CECR2: variants seen among roughly 807,000 people sequenced by gnomAD.
CECR2 encodes chromatin remodeling regulator CECR2.
A neutral mutation model predicts 154.5 loss-of-function variants in CECR2; 30 were observed. That is an observed-to-expected ratio of 0.19 (90% CI 0.15 to 0.26). The LOEUF is 0.26. Ranked by LOEUF, CECR2 falls within the 10% of genes least tolerant of loss-of-function variation. CECR2 has a pLI of 1.00. For missense variants in CECR2, 1,743 were observed against 1,829.3 expected, an observed-to-expected ratio of 0.95 and a Z score of 0.86; for synonymous variants, 725 against 683.7, an observed-to-expected ratio of 1.06 and a Z score of -0.94.
chr22:17,415,609 A>G (rs1339432255), intron 1 of CECR2, among the ~76,000 whole-genome samples: 1 of 152,182 alleles, frequency 6.6e-6, no homozygotes, highest in Non-Finnish European at 1.5e-5. Flanking sequence ...CATGCATTGG[A>G]TAAAATGGGG....
chr22:17,495,645 G>T (rs2055611195), intron 2 of CECR2, among the ~76,000 whole-genome samples: 1 of 151,088 alleles, frequency 6.6e-6, no homozygotes, highest in Non-Finnish European at 1.5e-5. Context: ...GGTGGATCAT[G>T]AGGTCAGGAA....
At position 17,541,784 on chromosome 22, in the gene CECR2, C is replaced by CCTAAAGT. The variant is rs2080179480; in HGVS notation, c.1885-52_1885-46dup. ...TCTTCAGGAAAACCCTTGTTGTCAA[C>CCTAAAGT]CTAAAGTCTGTGCCTTTCCTTTTTC... On this transcript the variant is annotated intron_variant, in intron 14 of 18. Coordinates refer to ENST00000262608, the MANE Select transcript of CECR2 (RefSeq NM_001290047.2). 6 of 1,555,300 alleles carry CCTAAAGT rather than the reference C, an allele frequency of 3.9e-6. No homozygotes were observed. The African/African-American group carries it at 4.1e-5, about 11-fold the overall frequency.
At chr22:17,509,695 C>T (rs2055907651) in intron 7 of CECR2, among the ~76,000 whole-genome samples, 1 of 151,988 alleles carries the variant, frequency 6.6e-6, no homozygotes, top group South Asian at 2.1e-4. Context: ...TACAAAGAAC[C>T]CATGTCAATG....
At chr22:17,452,364 A>T (rs905249764) in intron 1 of CECR2, among the ~76,000 whole-genome samples, 4 of 152,096 alleles carry the variant, frequency 2.6e-5, no homozygotes, top group Non-Finnish European at 5.9e-5. Context: ...GTGAGCTGCC[A>T]CTCCAGGCTG....
chr22:17,465,717 T>A (rs914573158), intron 1 of CECR2, among the ~76,000 whole-genome samples: 1 of 151,948 alleles, frequency 6.6e-6, no homozygotes, highest in Non-Finnish European at 1.5e-5. Flanking sequence ...ACTCCTGACC[T>A]CGTGATCCCC....
At chr22:17,518,741 T>A in intron 8 of CECR2, 1 of 394,198 alleles carries the variant, frequency 2.5e-6, no homozygotes, top group East Asian at 7.5e-5. Flanking sequence ...GCTCCCTTCT[T>A]AACACCTCTG....
At chr22:17,504,777 A>T in intron 6 of CECR2, 70 bp from the exon 7 acceptor site, 2 of 1,437,952 alleles carry the variant, frequency 1.4e-6, no homozygotes, top group Admixed American at 4.1e-5. Flanking sequence ...CAGTAGAAAC[A>T]AAATTGAGAA....
At chr22:17,544,089 GT>G (rs1480117970) in intron 16 of CECR2, among the ~76,000 whole-genome samples, 2 of 152,226 alleles carry the variant, frequency 1.3e-5, no homozygotes, top group African/African-American at 4.8e-5. Flanking sequence ...CCGGGCAGTA[GT>G]TTTGGTGGCT....
At chr22:17,443,406 A>T (rs1318760011) in intron 1 of CECR2, among the ~76,000 whole-genome samples, 1 of 152,188 alleles carries the variant, frequency 6.6e-6, no homozygotes, top group Non-Finnish European at 1.5e-5. Context: ...TTCAGAAAGG[A>T]AAAAAGGGCA....
rs1372352365 is a variant in CECR2 at position 17,369,663 on chromosome 22, G to C, written c.-121G>C. On this transcript the variant is annotated 5_prime_UTR_variant, in exon 1 of 19. Transcript: ENST00000262608. ...CGCCGAGCGGCGGCAGCAGCGGGAG[G>C]AGCGCCCCGCCGCCCCCGCCGAGGA... 1 of 147,258 alleles carries C rather than the reference G, an allele frequency of 6.8e-6. No homozygotes were observed. Among genetic ancestry groups the C allele is most frequent in the Non-Finnish European group, 1.5e-5 (1 of 66,142 alleles). The allele number at this position is 147,258 out of a possible 1,614,324, so 9.1% of individuals were successfully genotyped here. A position where few individuals can be genotyped will look rare whatever the true frequency, so the allele number is the denominator to read the frequency against.
intron 1 of CECR2, among the ~76,000 whole-genome samples, chr22:17,460,090 A>G (rs2054914309): frequency 6.6e-6 from 1 of 152,074 alleles, no homozygotes; most frequent in African/African-American, 2.4e-5. Flanking sequence ...CTTTATTTTT[A>G]TAACTTCCTC....
chr22:17,360,709 G>C (rs1402394761), intron 1 of CECR2, among the ~76,000 whole-genome samples: 2 of 150,776 alleles, frequency 1.3e-5, no homozygotes, highest in Admixed American at 1.3e-4. Context: ...TCCAAGCATG[G>C]TGACATGTGC....
At chr22:17,540,355 T>G (rs1047107100) in intron 13 of CECR2, 57 bp from the exon 14 acceptor site, 2 of 1,409,760 alleles carry the variant, frequency 1.4e-6, no homozygotes, top group Non-Finnish European at 9.4e-7. Flanking sequence ...AACTATAGTT[T>G]CTATAAACAA....
rs2056646630 is a variant in CECR2 at position 17,548,297 on chromosome 22, G to C, written c.3010G>C (p.Glu1004Gln). 6.2e-7 allele frequency: 1 copy of C among 1,609,304 alleles called. No individual in the cohort carries two copies. Among genetic ancestry groups the C allele is most frequent in the East Asian group, 2.2e-5 (1 of 44,682 alleles). Residue 1004 changes from glutamate to glutamine, a missense_variant, in exon 17 of 19, where the codon GAG (glutamate) becomes CAG (glutamine). Physicochemically the swap from Glu to Gln is conservative, Grantham distance 29. This residue lies in a region of CECR2 where 1,250 missense variants were observed against 1,192.1 expected (regional missense o/e 1.05). Coordinates refer to ENST00000262608, the MANE Select transcript of CECR2 (RefSeq NM_001290047.2). ...ACAAGAAAGGGAAACAGTGGGCCCG[G>C]AGCTCAAAAGCAGCTCCTCCGAATC... is the stretch of plus-strand genomic sequence containing the variant. Reference protein sequence around the residue: ...SPQERETVGPELKSSSSESAD... With the variant: ...SPQERETVGPQLKSSSSESAD...
chr22:17,545,792 G>A (rs971324472), intron 16 of CECR2, among the ~76,000 whole-genome samples: 12 of 147,378 alleles, frequency 8.1e-5, no homozygotes, highest in South Asian at 2.1e-4. Flanking sequence ...GCAGTGAGCC[G>A]AGATCACATC....
At chr22:17,512,596 G>A (rs538031939) in intron 8 of CECR2, among the ~76,000 whole-genome samples, 3 of 151,504 alleles carry the variant, frequency 2.0e-5, no homozygotes, top group South Asian at 2.1e-4. Flanking sequence ...CCAGCTACTC[G>A]GGAGGCTGAA....
chr22:17,374,464 A>G (rs542172720), intron 1 of CECR2, among the ~76,000 whole-genome samples: 1 of 152,214 alleles, frequency 6.6e-6, no homozygotes, highest in Non-Finnish European at 1.5e-5. Flanking sequence ...CCAGGGTAGG[A>G]GACTTTGTTT....
intron 1 of CECR2, among the ~76,000 whole-genome samples, chr22:17,383,657 C>CT (rs57665657): frequency 0.32 from 33,167 of 104,160 alleles, 6,892 homozygotes; most frequent in Non-Finnish European, 0.39. Flanking sequence ...TTCAGGTCCA[C>CT]TTTTTTTTTT....
At chr22:17,377,072 T>A (rs2063127437) in intron 1 of CECR2, among the ~76,000 whole-genome samples, 1 of 152,184 alleles carries the variant, frequency 6.6e-6, no homozygotes, top group Non-Finnish European at 1.5e-5. Context: ...GGTGTTCCTA[T>A]GTCTAAAGTT....
Sources: gnomAD v4.1 joint callset for allele counts (sites outside exome capture counted in the v4.1 genomes callset) on GRCh38, gnomAD v4.1.1 for gene constraint, gnomAD v4.1.1 regional missense constraint, MANE v1.5 for transcripts, NCBI Gene and HGNC (gene_info 2026-07-23, HGNC 2026-07-21) for gene names.